The following MEGF11 variants were observed in gnomAD, a reference collection of about 807,000 sequenced individuals.
MEGF11 encodes the protein multiple EGF like domains 11.
In MEGF11, 126 loss-of-function variants were observed where a neutral mutation model predicts 146.6. The ratio of observed to expected loss-of-function variants is 0.86; its 90% confidence interval spans 0.74 to 1.00. The LOEUF (loss-of-function observed/expected upper bound fraction) is 1.00. Ranked by LOEUF, MEGF11 falls within the 50% of genes least tolerant of loss-of-function variation. MEGF11 has a pLI of 0.00. For synonymous variants in MEGF11, 532 were observed against 583.4 expected, an observed-to-expected ratio of 0.91 and a Z score of 1.27; for missense variants, 1,509 against 1,521.2, an observed-to-expected ratio of 0.99 and a Z score of 0.13.
chr15:65,928,557 T>G, intron 12 of MEGF11, 30 bp from the exon 13 acceptor site: 1 of 1,508,838 alleles, frequency 6.6e-7, no homozygotes, highest in South Asian at 1.2e-5. Context: ...AGAAAAATGA[T>G]CAGACCCAAA....
intron 1 of MEGF11, among the ~76,000 whole-genome samples, chr15:66,234,825 TA>T (rs1341148381): frequency 2.6e-5 from 4 of 152,170 alleles, no homozygotes; most frequent in Non-Finnish European, 5.9e-5. Context: ...TCCCTGTTCA[TA>T]AAACGCTGAG....
chr15:65,902,431 C>T (rs1181296079), intron 24 of MEGF11: 2 of 152,276 alleles, frequency 1.3e-5, no homozygotes, highest in African/African-American at 4.8e-5. Context: ...ATTATGGACT[C>T]TTCTGTACCC....
At chr15:65,932,083 C>T (rs572605643) in intron 10 of MEGF11, among the ~76,000 whole-genome samples, 6 of 152,224 alleles carry the variant, frequency 3.9e-5, no homozygotes, top group South Asian at 2.1e-4. Context: ...AGAATAATCC[C>T]GATAAGGGAT....
At chr15:66,000,565 G>C (rs1483788499) in intron 5 of MEGF11, among the ~76,000 whole-genome samples, 1 of 151,578 alleles carries the variant, frequency 6.6e-6, no homozygotes, top group Non-Finnish European at 1.5e-5. Flanking sequence ...CCAGCTTCAG[G>C]GCCCAAGTCT....
chr15:66,106,924 A>G (rs890081985), intron 4 of MEGF11, among the ~76,000 whole-genome samples: 1 of 152,184 alleles, frequency 6.6e-6, no homozygotes, highest in Non-Finnish European at 1.5e-5. Flanking sequence ...TTACCCTTCC[A>G]AGACCCCCAC....
At chr15:66,190,766 G>C (rs1243529029) in intron 1 of MEGF11, among the ~76,000 whole-genome samples, 1 of 152,086 alleles carries the variant, frequency 6.6e-6, no homozygotes, top group Non-Finnish European at 1.5e-5. Context: ...TACACTCTAT[G>C]CTGTGTCAGG....
intron 5 of MEGF11, among the ~76,000 whole-genome samples, chr15:65,986,793 C>CCT (rs2081872303): frequency 8.2e-6 from 1 of 121,332 alleles, no homozygotes; most frequent in African/African-American, 3.1e-5. Context: ...CTGATTTTTC[C>CCT]TTTTTTTTTT....
intron 13 of MEGF11, among the ~76,000 whole-genome samples, chr15:65,926,282 A>G (rs2079369196): frequency 6.6e-6 from 1 of 152,234 alleles, no homozygotes; most frequent in South Asian, 2.1e-4. Flanking sequence ...GACCCCAGAC[A>G]ACTCCTTTTC....
intron 4 of MEGF11, among the ~76,000 whole-genome samples, chr15:66,100,535 C>A (rs1410178487): frequency 6.6e-6 from 1 of 152,216 alleles, no homozygotes; most frequent in Non-Finnish European, 1.5e-5. Flanking sequence ...AGTTATTTAA[C>A]CTCCCTCAGT....
At chr15:66,152,582 C>T (rs906096618) in intron 1 of MEGF11, among the ~76,000 whole-genome samples, 1 of 152,246 alleles carries the variant, frequency 6.6e-6, no homozygotes, top group Non-Finnish European at 1.5e-5. Context: ...CTGAAACCTT[C>T]ATCCCTTGGC....
At chr15:66,121,869 AAAC>A (rs2088041872) in intron 3 of MEGF11, among the ~76,000 whole-genome samples, 1 of 152,228 alleles carries the variant, frequency 6.6e-6, no homozygotes, top group Non-Finnish European at 1.5e-5. Flanking sequence ...AGAAATAAAC[AAAC>A]AACAACAAAT....
At chr15:65,947,246 G>A (rs2080227444) in intron 10 of MEGF11, among the ~76,000 whole-genome samples, 1 of 152,154 alleles carries the variant, frequency 6.6e-6, no homozygotes, top group African/African-American at 2.4e-5. Context: ...TAATGACTAA[G>A]GGAGAGGTGG....
At chr15:66,239,675 A>G (rs574738567) in intron 1 of MEGF11, among the ~76,000 whole-genome samples, 4 of 151,908 alleles carry the variant, frequency 2.6e-5, no homozygotes, top group African/African-American at 9.7e-5. Flanking sequence ...TGCACTGCAC[A>G]CTCCTCAGAA....
rs577294539 is a variant in MEGF11 at position 66,153,301 on chromosome 15, G to A, written c.-8-24890C>T. ...GAAAGAAAGCAGTTCTGGGCCAGGCGCGGTGGCTCACACCTGTAATCCCAG... is the reference window on the plus strand; with the variant it reads ...GAAAGAAAGCAGTTCTGGGCCAGGCACGGTGGCTCACACCTGTAATCCCAG... On this transcript the variant is annotated intron_variant, in intron 1 of 25. Coordinates refer to ENST00000395614, the MANE Select transcript of MEGF11 (RefSeq NM_001385028.1). Among the ~76,000 whole-genome samples, 9 of 152,290 alleles carry A rather than the reference G, an allele frequency of 5.9e-5. No homozygotes were observed. In the South Asian group the frequency reaches 1.9e-3, roughly 32 times the overall value.
rs139283586 is a variant in MEGF11 at position 65,936,492 on chromosome 15, C to A, written c.1288-5549G>T. ...GGACTTGGCACTTTCCATATGCTTT[C>A]TCTTGTATGCCAGGCAATTCAGCAA... On this transcript the variant is annotated intron_variant, in intron 10 of 25. Transcript: ENST00000395614. 7.2e-5 allele frequency among the ~76,000 whole-genome samples: 11 copies of A among 152,302 alleles called. No homozygotes were observed. The East Asian group carries it at 1.9e-3, about 27-fold the overall frequency.
At chr15:66,056,125 C>A (rs904723450) in intron 5 of MEGF11, among the ~76,000 whole-genome samples, 2 of 152,126 alleles carry the variant, frequency 1.3e-5, no homozygotes, top group Admixed American at 1.3e-4. Context: ...TGTACTTTAA[C>A]GAGGCTCCCA....
intron 5 of MEGF11, among the ~76,000 whole-genome samples, chr15:65,984,338 C>A (rs774201947): frequency 4.6e-5 from 7 of 151,900 alleles, no homozygotes; most frequent in Non-Finnish European, 8.8e-5. Flanking sequence ...ACAGCCTGGG[C>A]AACACGGTGA....
intron 10 of MEGF11, among the ~76,000 whole-genome samples, chr15:65,943,766 AGCC>A (rs576520049): frequency 1.8e-3 from 274 of 152,232 alleles, no homozygotes; most frequent in African/African-American, 6.2e-3. Context: ...CTGGCCATGA[AGCC>A]CCAACGGTGA....
chr15:66,205,753 G>C (rs1020590125), intron 1 of MEGF11, among the ~76,000 whole-genome samples: 9 of 152,196 alleles, frequency 5.9e-5, no homozygotes, highest in African/African-American at 2.2e-4. Flanking sequence ...GGGGAATCTA[G>C]ATTTCTACAT....
Sources: allele counts gnomAD v4.1 joint callset (sites outside exome capture counted in the v4.1 genomes callset), GRCh38; gene constraint gnomAD v4.1.1; transcripts MANE v1.5; gene names NCBI Gene and HGNC (gene_info 2026-07-23, HGNC 2026-07-21).